Variants in DENND3 observed in about 807,000 individuals in gnomAD.
DENND3 encodes the protein DENN domain-containing protein 3.
DENND3 carries 88 observed loss-of-function variants against 135.1 expected under a neutral mutation model. The observed-to-expected ratio is 0.65, with a 90% confidence interval of 0.55 to 0.78. The LOEUF (loss-of-function observed/expected upper bound fraction) is 0.78. DENND3 is among the 30% of genes least tolerant of loss of function. The pLI is 0.00. For missense variants in DENND3, 1,392 were observed against 1,688.4 expected, an observed-to-expected ratio of 0.82 and a Z score of 3.08; for synonymous variants, 693 against 712.3, an observed-to-expected ratio of 0.97 and a Z score of 0.43.
At position 141,166,223 on chromosome 8, in the gene DENND3, G is replaced by C. The variant is rs764484696; in HGVS notation, c.1587G>C (p.Pro529=). 2 of 1,614,152 alleles carry C rather than the reference G, an allele frequency of 1.2e-6. No homozygotes were observed. The highest frequency in any genetic ancestry group is 1.7e-6 in the Non-Finnish European group (2 of 1,180,042). The change falls in exon 12 of 23, where the codon CCG becomes CCC. Residue 529 remains proline, a synonymous_variant. Transcript: ENST00000519811. The surrounding 1 kb of genome is among the most constrained non-coding windows in gnomAD (Gnocchi z 4.3). Reference sequence around the variant, plus strand: ...GAATGCTTCTAAGTCCAAGGAGACCGACCGTTGAGAAAAGAGCCTCCCGGA... The same window carrying C: ...GAATGCTTCTAAGTCCAAGGAGACCCACCGTTGAGAAAAGAGCCTCCCGGA... ...INGMLLSPRR[P]TVEKRASRKS...
chr8:141,156,112 T>C, intron 8 of DENND3, 142 bp downstream of exon 8: 1 of 1,217,676 alleles, frequency 8.2e-7, no homozygotes, highest in Non-Finnish European at 1.1e-6. Flanking sequence ...TGAATTTTGT[T>C]TTCTGAGATT....
intron 1 of DENND3, among the ~76,000 whole-genome samples, chr8:141,134,949 G>GC (rs1003198189): frequency 2.6e-5 from 4 of 151,822 alleles, no homozygotes; most frequent in Admixed American, 6.6e-5. Context: ...TCCTGCCTCA[G>GC]CCCCCCGCCC....
chr8:141,155,744 T>C, intron 7 of DENND3, 105 bp from the exon 8 acceptor site: 1 of 1,386,106 alleles, frequency 7.2e-7, no homozygotes, highest in Non-Finnish European at 9.6e-7. Context: ...TAATTAATGA[T>C]GACACTGTCT....
intron 8 of DENND3, chr8:141,158,372 G>A (rs1569555905): frequency 8.6e-7 from 1 of 1,156,302 alleles, no homozygotes; most frequent in South Asian, 1.6e-5. Flanking sequence ...GAAGCTCTGA[G>A]CATTCCCAGG....
In DENND3 at chr8:141,144,084, C is replaced by A; in HGVS notation, c.624-64C>A. 7.2e-7 allele frequency: 1 copy of A among 1,394,832 alleles called. No homozygotes were observed. The highest frequency in any genetic ancestry group is 1.0e-6 in the Non-Finnish European group (1 of 1,001,924). 86.4% of individuals were successfully genotyped at this position (1,394,832 alleles called of 1,614,324 possible). ...GGAGATTCCAGTGTGATTAGAAACG[C>A]TAACGATGACAACTGCGTTCTCATC... On this transcript the variant is annotated intron_variant, in intron 4 of 22. Coordinates refer to ENST00000519811, the MANE Select transcript of DENND3 (RefSeq NM_001352890.3). The surrounding 1 kb of genome is among the most constrained non-coding windows in gnomAD (Gnocchi z 4.4).
chr8:141,135,511 GTC>G (rs745642142), intron 1 of DENND3, among the ~76,000 whole-genome samples: 1 of 152,134 alleles, frequency 6.6e-6, no homozygotes, highest in Non-Finnish European at 1.5e-5. Flanking sequence ...GCCACCTCCT[GTC>G]TCTCCATGCC....
At position 141,174,886 on chromosome 8, in the gene DENND3, G is replaced by T. The variant is rs1589671791; in HGVS notation, c.2276-314G>T. 6.6e-6 allele frequency among the ~76,000 whole-genome samples: 1 copy of T among 151,996 alleles called. No individual in the cohort carries two copies. Among genetic ancestry groups the T allele is most frequent in the East Asian group, 1.9e-4 (1 of 5,190 alleles). On this transcript the variant is annotated intron_variant, in intron 13 of 22. Transcript: ENST00000519811. The surrounding 1 kb of genome is among the most constrained non-coding windows in gnomAD (Gnocchi z 4.6). ...TTAGAAGAGTGTCCTTGTCCGGAAG[G>T]ACTTTCCTACCCAAAGGTAAGAGTT...
chr8:141,194,340 C>G lies in DENND3; in HGVS notation c.*107C>G, dbSNP rs1360689311. 7.4e-7 allele frequency: 1 copy of G among 1,352,198 alleles called. No individual in the cohort carries two copies. Among genetic ancestry groups the G allele is most frequent in the Non-Finnish European group, 1.0e-6 (1 of 987,678 alleles). The allele number at this position is 1,352,198 out of a possible 1,614,324, so 83.8% of individuals were successfully genotyped here. On this transcript the variant is annotated 3_prime_UTR_variant, in exon 23 of 23. Transcript: ENST00000519811. ...TGGAGGGGTGGCAGGGCAGAGCAGC[C>G]CAGGCTCAGCATGGAGCCCACTTAC... is the stretch of plus-strand genomic sequence containing the variant.
In DENND3 at chr8:141,167,066, G is replaced by A. The variant is rs1002849112; in HGVS notation, c.1753+677G>A. Among the ~76,000 whole-genome samples the A allele has an allele frequency of 9.9e-5, 15 of 152,210 alleles. No homozygotes were observed. The highest frequency in any genetic ancestry group is 9.2e-4 in the Admixed American group (14 of 15,284). On this transcript the variant is annotated intron_variant, in intron 12 of 22. Transcript: ENST00000519811. This position sits in a 1 kb window ranked among gnomAD's most constrained non-coding sequence, Gnocchi z 4.1. ...TGATCACTGTGCTGGGACCCCAGGAGCTGCACGAGTGACACCTTGATGACC... is the reference window on the plus strand; with the variant it reads ...TGATCACTGTGCTGGGACCCCAGGAACTGCACGAGTGACACCTTGATGACC...
At chr8:141,185,717 T>C (rs1823803260) in intron 18 of DENND3, among the ~76,000 whole-genome samples, 2 of 151,520 alleles carry the variant, frequency 1.3e-5, no homozygotes, top group South Asian at 2.1e-4. Context: ...TCCCAGTTAC[T>C]TGGGAAGCTG....
intron 5 of DENND3, 57 bp from the exon 6 acceptor site, chr8:141,150,777 C>T (rs170088): frequency 0.14 from 212,396 of 1,515,898 alleles, 23,798 homozygotes; most frequent in African/African-American, 0.51. Flanking sequence ...CAGTAGTGCA[C>T]GTCAGCCTCT....
At position 141,174,435 on chromosome 8, in the gene DENND3, G is replaced by T. The variant is rs1822058717; in HGVS notation, c.2276-765G>T. On this transcript the variant is annotated intron_variant, in intron 13 of 22. Coordinates refer to ENST00000519811, the MANE Select transcript of DENND3 (RefSeq NM_001352890.3). This position sits in a 1 kb window ranked among gnomAD's most constrained non-coding sequence, Gnocchi z 4.6. ...GGTGGAGGCAGAGCCGAGCAGGCAG[G>T]CTAGGGGCTTGAGTTGGCAGGACCT... 6.6e-6 allele frequency among the ~76,000 whole-genome samples: 1 copy of T among 152,160 alleles called. No individual in the cohort carries two copies. The highest frequency in any genetic ancestry group is 2.4e-5 in the African/African-American group (1 of 41,442).
chr8:141,160,522 A>T, intron 8 of DENND3, 110 bp from the exon 9 acceptor site: 1 of 1,258,446 alleles, frequency 7.9e-7, no homozygotes, highest in Non-Finnish European at 1.0e-6. Flanking sequence ...CAAATTATTG[A>T]TCGGTATTTG....
chr8:141,192,096 G>C (rs1402941893), intron 20 of DENND3: 1 of 453,340 alleles, frequency 2.2e-6, no homozygotes, highest in East Asian at 3.6e-5. Context: ...GAAAAATTAA[G>C]AAACTGCCCA....
chr8:141,141,230 A>G lies in DENND3; in HGVS notation c.529A>G (p.Thr177Ala). The change falls in exon 4 of 23, where the codon ACG becomes GCG. Residue 177 changes from threonine (T) to alanine (A), a missense_variant. Thr to Ala is a moderately conservative substitution (Grantham distance 58). Coordinates refer to ENST00000519811, the MANE Select transcript of DENND3 (RefSeq NM_001352890.3). This position sits in a 1 kb window ranked among gnomAD's most constrained non-coding sequence, Gnocchi z 5.3. ...TGAGTACTGTTTCTACAATGGCAAA[A>G]CGCACCGGGAGTGTCCTGGCTGCTT... ...HDEYCFYNGK[T>A]HRECPGCFVP... 6.2e-7 allele frequency: 1 copy of G among 1,614,068 alleles called. No homozygotes were observed. Among genetic ancestry groups the G allele is most frequent in the Non-Finnish European group, 8.5e-7 (1 of 1,179,982 alleles).
At chr8:141,134,204 T>A (rs971839480) in intron 1 of DENND3, among the ~76,000 whole-genome samples, 33 of 152,152 alleles carry the variant, frequency 2.2e-4, no homozygotes, top group African/African-American at 6.5e-4. Flanking sequence ...GAAAGTGACA[T>A]GTAATTGAGG....
intron 18 of DENND3, among the ~76,000 whole-genome samples, chr8:141,187,385 C>G (rs773992922): frequency 6.6e-6 from 1 of 151,958 alleles, no homozygotes; most frequent in African/African-American, 2.4e-5. Context: ...CCACCACACC[C>G]GGCTAATTTT....
At position 141,167,386 on chromosome 8, in the gene DENND3, T is replaced by C. The variant is rs1589645446; in HGVS notation, c.1754-618T>C. Among the ~76,000 whole-genome samples the C allele has an allele frequency of 6.6e-6, 1 of 152,314 alleles. No homozygotes were observed. Among genetic ancestry groups the C allele is most frequent in the East Asian group, 1.9e-4 (1 of 5,186 alleles). Reference sequence around the variant, plus strand: ...CCTGGAGCCCCCATGACCCTCCTCCTGCTCTCTTGGTCCTCTGGAGCTCCT... The same window carrying C: ...CCTGGAGCCCCCATGACCCTCCTCCCGCTCTCTTGGTCCTCTGGAGCTCCT... On this transcript the variant is annotated intron_variant, in intron 12 of 22. Transcript: ENST00000519811. This position sits in a 1 kb window ranked among gnomAD's most constrained non-coding sequence, Gnocchi z 4.1.
intron 18 of DENND3, among the ~76,000 whole-genome samples, chr8:141,186,139 C>T (rs189040901): frequency 4.6e-4 from 70 of 151,926 alleles, no homozygotes; most frequent in Non-Finnish European, 7.5e-4. Flanking sequence ...GGTTTTGCCA[C>T]GCTGCCCAGG....
Sources: allele counts gnomAD v4.1 joint callset (sites outside exome capture counted in the v4.1 genomes callset), GRCh38; gene constraint gnomAD v4.1.1; non-coding constraint Gnocchi (gnomAD v3.1); transcripts MANE v1.5; gene names NCBI Gene and HGNC (gene_info 2026-07-23, HGNC 2026-07-21).